The following CCDC178 variants were observed in gnomAD, a reference collection of about 807,000 sequenced individuals.
CCDC178 encodes coiled-coil domain-containing protein 178.
A neutral mutation model predicts 117.4 loss-of-function variants in CCDC178; 126 were observed. That is an observed-to-expected ratio of 1.07 (90% CI 0.93 to 1.24). The LOEUF (loss-of-function observed/expected upper bound fraction) is 1.24. Among genes scored for constraint, CCDC178 ranks in the 50% most tolerant of loss-of-function variants. The pLI, the probability that CCDC178 is intolerant of heterozygous loss-of-function variation, is 0.00. For missense variants in CCDC178, 1,030 were observed against 986.9 expected (o/e 1.04, Z -0.59); for synonymous variants, 283 against 313.4 (o/e 0.90, Z 1.02).
At chr18:33,240,824 GC>G (rs2059478457) in intron 15 of CCDC178, among the ~76,000 whole-genome samples, 1 of 151,724 alleles carries the variant, frequency 6.6e-6, no homozygotes, top group South Asian at 2.1e-4. Context: ...CAAAATTAAG[GC>G]AGAGAAAATT....
In CCDC178 at chr18:33,052,005, G is replaced by A. The variant is rs542505169; in HGVS notation, c.2388+40756C>T. 3.9e-5 allele frequency among the ~76,000 whole-genome samples: 6 copies of A among 152,286 alleles called. No individual in the cohort carries two copies. In the South Asian group the frequency reaches 1.2e-3, roughly 32 times the overall value. On this transcript the variant is annotated intron_variant, in intron 21 of 22. Coordinates refer to ENST00000383096, the MANE Select transcript of CCDC178 (RefSeq NM_001105528.4). ...ATCTGAATTAGCTTTTTCATGAAATGTAATATGTTTTATGCTTTTAGATGG... is the reference window on the plus strand; with the variant it reads ...ATCTGAATTAGCTTTTTCATGAAATATAATATGTTTTATGCTTTTAGATGG...
chr18:32,954,772 C>T (rs1487762450), intron 22 of CCDC178: 1 of 152,048 alleles, frequency 6.6e-6, no homozygotes, highest in African/African-American at 2.4e-5. Context: ...TTTCCCCAAA[C>T]TCAGTAGTGT....
At chr18:33,411,288 C>T (rs2063848897) in intron 3 of CCDC178, among the ~76,000 whole-genome samples, 1 of 152,182 alleles carries the variant, frequency 6.6e-6, no homozygotes, top group African/African-American at 2.4e-5. Flanking sequence ...TTCTGGAAAG[C>T]ATCAGATAGT....
chr18:32,956,763 AG>A (rs2054603335), intron 22 of CCDC178: 1 of 152,234 alleles, frequency 6.6e-6, no homozygotes, highest in Non-Finnish European at 1.5e-5. Context: ...GGTGCAGCGC[AG>A]CTTCCTTTCT....
Position 33,211,935 on chromosome 18 carries a change from C to A in CCDC178, c.2199G>T (p.Val733=). Reference sequence around the variant, plus strand: ...GAGTTTTTTGTCTTACAGCAAGGAGCACTCTAAATCTCTGATCTTCCTCAA... The same window carrying A: ...GAGTTTTTTGTCTTACAGCAAGGAGAACTCTAAATCTCTGATCTTCCTCAA... ...RIFEEDQRFR[V]LLAVRQKTLQ... Residue 733 remains valine, a synonymous_variant, in exon 20 of 23, where the codon GTG becomes GTT. Transcript: ENST00000383096. 1 of 1,608,098 alleles carries A rather than the reference C, an allele frequency of 6.2e-7. No homozygotes were observed. The highest frequency in any genetic ancestry group is 8.5e-7 in the Non-Finnish European group (1 of 1,177,640).
intron 20 of CCDC178, among the ~76,000 whole-genome samples, chr18:33,097,876 G>C (rs2057566350): frequency 6.6e-6 from 1 of 151,946 alleles, no homozygotes; most frequent in African/African-American, 2.4e-5. Context: ...TGGGCATATT[G>C]GTTATATATT....
chr18:33,366,849 GT>G (rs919029468), intron 6 of CCDC178, among the ~76,000 whole-genome samples: 1 of 151,980 alleles, frequency 6.6e-6, no homozygotes, highest in Non-Finnish European at 1.5e-5. Context: ...GGGACTGTAG[GT>G]GATGAATGAA....
intron 3 of CCDC178, among the ~76,000 whole-genome samples, chr18:33,405,259 T>C (rs2063765063): frequency 6.6e-6 from 1 of 151,758 alleles, no homozygotes; most frequent in Non-Finnish European, 1.5e-5. Flanking sequence ...GTATGTTATT[T>C]ATATAATTTA....
intron 2 of CCDC178, among the ~76,000 whole-genome samples, chr18:33,427,088 A>C (rs547379914): frequency 1.2e-3 from 177 of 152,210 alleles, no homozygotes; most frequent in African/African-American, 4.2e-3. Flanking sequence ...TCTAGGGAAA[A>C]TATTCCAGTT....
chr18:33,391,699 T>C (rs2063567392), intron 4 of CCDC178, among the ~76,000 whole-genome samples: 1 of 152,044 alleles, frequency 6.6e-6, no homozygotes, highest in Admixed American at 6.6e-5. Context: ...ATAAAAAATA[T>C]GTATGAAAAA....
intron 20 of CCDC178, among the ~76,000 whole-genome samples, chr18:33,191,806 A>G (rs760939475): frequency 1.3e-5 from 2 of 152,192 alleles, no homozygotes; most frequent in African/African-American, 4.8e-5. Context: ...TACAAATTCC[A>G]TGGTCAGGAC....
intron 21 of CCDC178, among the ~76,000 whole-genome samples, chr18:33,088,909 T>G (rs2057422843): frequency 6.6e-6 from 1 of 152,166 alleles, no homozygotes; most frequent in Non-Finnish European, 1.5e-5. Flanking sequence ...TGTAATGTGT[T>G]AAATCACTAA....
At chr18:33,210,565 G>A (rs1448676144) in intron 20 of CCDC178, among the ~76,000 whole-genome samples, 1 of 152,022 alleles carries the variant, frequency 6.6e-6, no homozygotes. Flanking sequence ...GCACCACTGT[G>A]ACTAGAAAAT....
At chr18:33,032,061 G>T (rs932541111) in intron 21 of CCDC178, among the ~76,000 whole-genome samples, 12 of 152,104 alleles carry the variant, frequency 7.9e-5, no homozygotes, top group African/African-American at 2.9e-4. Flanking sequence ...CAATGGTAGG[G>T]CTAGTCAGGA....
At chr18:33,224,149 C>G (rs1406145671) in intron 17 of CCDC178, among the ~76,000 whole-genome samples, 1 of 152,078 alleles carries the variant, frequency 6.6e-6, no homozygotes, top group Non-Finnish European at 1.5e-5. Flanking sequence ...GAAAAAAGTT[C>G]TGGTGCCGAA....
chr18:33,052,055 C>CCTT (rs2056755998), intron 21 of CCDC178, among the ~76,000 whole-genome samples: 2 of 152,124 alleles, frequency 1.3e-5, no homozygotes, highest in African/African-American at 4.8e-5. Context: ...TTCAGATGAG[C>CCTT]CTTCCACTGT....
intron 21 of CCDC178, among the ~76,000 whole-genome samples, chr18:33,062,628 A>C (rs2056942966): frequency 6.6e-6 from 1 of 152,194 alleles, no homozygotes; most frequent in African/African-American, 2.4e-5. Context: ...ATTCCAGCCA[A>C]GGGAGAGCCC....
chr18:33,360,946 T>G (rs2063116766), intron 6 of CCDC178, among the ~76,000 whole-genome samples: 1 of 151,622 alleles, frequency 6.6e-6, no homozygotes, highest in Non-Finnish European at 1.5e-5. Flanking sequence ...TAATGCCATG[T>G]CGATAAAAAT....
chr18:33,144,652 C>T (rs752959527), intron 20 of CCDC178, among the ~76,000 whole-genome samples: 19 of 151,652 alleles, frequency 1.3e-4, no homozygotes, highest in Non-Finnish European at 2.1e-4. Flanking sequence ...AATTATGTTG[C>T]CAAATTTCTA....
Sources: allele counts gnomAD v4.1 joint callset (sites outside exome capture counted in the v4.1 genomes callset), GRCh38; gene constraint gnomAD v4.1.1; transcripts MANE v1.5; gene names NCBI Gene and HGNC (gene_info 2026-07-23, HGNC 2026-07-21).